Variants in RALGPS1 observed in about 807,000 individuals in gnomAD.
RALGPS1 encodes ras-specific guanine nucleotide-releasing factor RalGPS1.
RALGPS1 carries 19 observed loss-of-function variants against 78.8 expected under a neutral mutation model. The ratio of observed to expected loss-of-function variants is 0.24; its 90% CI spans 0.17 to 0.35. RALGPS1 has a LOEUF of 0.35. RALGPS1 is among the 10% of genes least tolerant of loss of function. The probability of loss-of-function intolerance (pLI) is 1.00; values close to 1 mark genes in which losing one functional copy is unlikely to be tolerated. For synonymous variants in RALGPS1, 228 were observed against 256.3 expected, an observed-to-expected ratio of 0.89 and a Z score of 1.06; for missense variants, 454 against 688.3, an observed-to-expected ratio of 0.66 and a Z score of 3.81.
intron 8 of RALGPS1, among the ~76,000 whole-genome samples, chr9:127,164,660 T>C (rs2059201185): frequency 6.6e-6 from 1 of 150,986 alleles, no homozygotes; most frequent in African/African-American, 2.4e-5. Context: ...CTGCTTCAGC[T>C]TTCCAAATAG....
chr9:126,918,345 CTT>C (rs781373697), intron 1 of RALGPS1, among the ~76,000 whole-genome samples: 3 of 152,140 alleles, frequency 2.0e-5, no homozygotes, highest in Non-Finnish European at 2.9e-5. Context: ...TCGTTTAAAA[CTT>C]TTTTTAAGAG....
chr9:126,999,726 T>C (rs553323722), intron 4 of RALGPS1, among the ~76,000 whole-genome samples: 2 of 152,378 alleles, frequency 1.3e-5, no homozygotes, highest in African/African-American at 4.8e-5. Context: ...ATTCACCTAC[T>C]GAGGGATATC....
At chr9:127,058,898 T>C (rs1295454107) in intron 7 of RALGPS1, among the ~76,000 whole-genome samples, 1 of 152,216 alleles carries the variant, frequency 6.6e-6, no homozygotes, top group Non-Finnish European at 1.5e-5. Context: ...TTGACTCATT[T>C]GCAGCAGCAT....
intron 1 of RALGPS1, among the ~76,000 whole-genome samples, chr9:126,957,789 C>T (rs1332466274): frequency 1.3e-5 from 2 of 152,040 alleles, no homozygotes; most frequent in East Asian, 3.9e-4. Context: ...TGTTTCCCTC[C>T]TCTCAGTGCC....
chr9:126,972,749 T>A (rs2040238105), intron 3 of RALGPS1, among the ~76,000 whole-genome samples: 1 of 152,202 alleles, frequency 6.6e-6, no homozygotes, highest in African/African-American at 2.4e-5. Context: ...GAGAGAATAT[T>A]TGTAGATTAA....
At chr9:127,184,341 A>C in intron 11 of RALGPS1, 3 of 340,414 alleles carry the variant, frequency 8.8e-6, no homozygotes, top group Non-Finnish European at 5.7e-6. Flanking sequence ...AAAAAAGGAA[A>C]TGAACCAGGC....
At chr9:127,037,110 A>C (rs1220296836) in intron 5 of RALGPS1, among the ~76,000 whole-genome samples, 1 of 152,208 alleles carries the variant, frequency 6.6e-6, no homozygotes, top group Non-Finnish European at 1.5e-5. Context: ...TGAAGACTAA[A>C]CAAGAATCAT....
intron 11 of RALGPS1, among the ~76,000 whole-genome samples, chr9:127,191,107 A>G (rs2061003279): frequency 6.6e-6 from 1 of 152,034 alleles, no homozygotes; most frequent in South Asian, 2.1e-4. Context: ...AGATATTTGA[A>G]GTTCTCTGTG....
At chr9:127,178,742 T>G (rs1444734903) in intron 11 of RALGPS1, among the ~76,000 whole-genome samples, 1 of 152,220 alleles carries the variant, frequency 6.6e-6, no homozygotes, top group Non-Finnish European at 1.5e-5. Flanking sequence ...CATGCAGCAG[T>G]GGCAGAGTTG....
rs1390970971 is a variant in RALGPS1 at position 126,953,699 on chromosome 9, G to T, written c.-65-8526G>T. On this transcript the variant is annotated intron_variant, in intron 1 of 18. Transcript: ENST00000259351. ...GTCTCAATGACAATGATCAGACTGT[G>T]TATGAGCTCCTAGAGGCTTGTGCGA... Among the ~76,000 whole-genome samples the T allele has an allele frequency of 2.0e-5, 3 of 152,214 alleles. No individual in the cohort carries two copies. The East Asian group carries it at 5.8e-4, about 29-fold the overall frequency.
chr9:127,006,627 G>T (rs542830876), intron 4 of RALGPS1, among the ~76,000 whole-genome samples: 1 of 152,228 alleles, frequency 6.6e-6, no homozygotes, highest in South Asian at 2.1e-4. Flanking sequence ...TTAACCCATT[G>T]AATATTTCCA....
At chr9:127,013,301 T>C (rs951110251) in intron 4 of RALGPS1, among the ~76,000 whole-genome samples, 1 of 152,156 alleles carries the variant, frequency 6.6e-6, no homozygotes. Context: ...AAGTGTTGTT[T>C]GGGAGCTGTG....
At chr9:127,216,378 C>T (rs1325451826) in intron 18 of RALGPS1, among the ~76,000 whole-genome samples, 1 of 152,206 alleles carries the variant, frequency 6.6e-6, no homozygotes, top group Non-Finnish European at 1.5e-5. Context: ...CATCTGACTT[C>T]GGGGAATTTG....
chr9:126,936,537 T>A (rs2036274650), intron 1 of RALGPS1, among the ~76,000 whole-genome samples: 1 of 152,164 alleles, frequency 6.6e-6, no homozygotes, highest in Middle Eastern at 3.2e-3. Flanking sequence ...TTTATTATTT[T>A]TTTTTTTCCA....
intron 11 of RALGPS1, among the ~76,000 whole-genome samples, chr9:127,193,409 T>G: frequency 6.6e-6 from 1 of 151,128 alleles, no homozygotes; most frequent in African/African-American, 2.4e-5. Context: ...ATAAAGGGAT[T>G]GGTGGGGGCG....
chr9:127,201,847 C>T (rs560346935), intron 14 of RALGPS1, among the ~76,000 whole-genome samples: 6 of 152,356 alleles, frequency 3.9e-5, no homozygotes, highest in Admixed American at 3.3e-4. Flanking sequence ...TTCCCCTCCT[C>T]GGAGACCCCA....
intron 5 of RALGPS1, among the ~76,000 whole-genome samples, chr9:127,045,214 G>A (rs373415874): frequency 3.5e-4 from 53 of 152,268 alleles, no homozygotes; most frequent in African/African-American, 1.2e-3. Flanking sequence ...CAACTTGAGG[G>A]ATCAGTGTAA....
chr9:127,069,310 G>A lies in RALGPS1; in HGVS notation c.564G>A (p.Arg188=), dbSNP rs111766261. 7 of 1,613,796 alleles carry A rather than the reference G, an allele frequency of 4.3e-6. No individual in the cohort carries two copies. The African/African-American group carries it at 8.0e-5, about 18-fold the overall frequency. ...MSKEDNYKRT[R]EYIRSLKMVP... is the part of the protein sequence containing the mutation. ...AAGAAGATAATTACAAGCGGACACGGGAATATATCCGAAGCCTGAAGATGG... is the reference window on the plus strand; with the variant it reads ...AAGAAGATAATTACAAGCGGACACGAGAATATATCCGAAGCCTGAAGATGG... Residue 188 remains arginine (R), a synonymous_variant, in exon 8 of 19, where the codon CGG becomes CGA. Transcript: ENST00000259351.
Position 127,016,371 on chromosome 9 carries a change from T to A in RALGPS1, c.217-18060T>A, listed in dbSNP as rs2044826194. 2.0e-5 allele frequency among the ~76,000 whole-genome samples: 3 copies of A among 152,196 alleles called. No homozygotes were observed. In the South Asian group the frequency reaches 6.2e-4, roughly 31 times the overall value. ...TCTTAGGCTCACAGAATGGGAGAGC[T>A]GGGAGGATCTCAAAGACCATCTGGT... On this transcript the variant is annotated intron_variant, in intron 4 of 18. Coordinates refer to ENST00000259351, the MANE Select transcript of RALGPS1 (RefSeq NM_014636.3).
Sources: allele counts gnomAD v4.1 joint callset (sites outside exome capture counted in the v4.1 genomes callset), GRCh38; gene constraint gnomAD v4.1.1; transcripts MANE v1.5; gene names NCBI Gene and HGNC (gene_info 2026-07-23, HGNC 2026-07-21).